Variants in CA12 observed in about 807,000 individuals in gnomAD.
CA12 encodes carbonate dehydratase XII.
Under a neutral mutation model 46.8 loss-of-function variants are expected in CA12, and 36 were observed. The observed-to-expected ratio is 0.77, with a 90% CI of 0.59 to 1.02. The LOEUF (loss-of-function observed/expected upper bound fraction) is 1.02, where lower values mean the gene tolerates loss of function less well. Among genes scored for constraint, CA12 ranks in the 50% least tolerant of loss-of-function variants. The pLI, the probability that CA12 is intolerant of heterozygous loss-of-function variation, is 0.00. For synonymous variants in CA12, 202 were observed against 187.0 expected (o/e 1.08, Z -0.65); for missense variants, 436 against 451.4 (o/e 0.97, Z 0.31).
At chr15:63,363,649 A>C (rs1196439581) in intron 2 of CA12, among the ~76,000 whole-genome samples, 1 of 152,256 alleles carries the variant, frequency 6.6e-6, no homozygotes, top group African/African-American at 2.4e-5. Flanking sequence ...ATAATTTGAC[A>C]AGTGATAATC....
Position 63,335,626 on chromosome 15 carries a change from G to A in CA12, c.874+3193C>T, listed in dbSNP as rs116349582. On this transcript the variant is annotated intron_variant, in intron 8 of 10. Transcript: ENST00000178638. ...TTACAAGCATGAGCCACCACACCCG[G>A]CCATCCTAGATGATTTTTTAAACAT... Among the ~76,000 whole-genome samples, 690 of 150,788 alleles carry A rather than the reference G, an allele frequency of 4.6e-3. 4 individuals carry two copies. Among genetic ancestry groups the A allele is most frequent in the African/African-American group, 0.016 (666 of 40,994 alleles).
chr15:63,351,427 C>A (rs931559880), intron 2 of CA12, among the ~76,000 whole-genome samples: 5 of 152,184 alleles, frequency 3.3e-5, no homozygotes, highest in African/African-American at 1.2e-4. Context: ...TCCGTACACT[C>A]CCTTTCTCCC....
At chr15:63,366,009 C>G (rs538529263) in intron 2 of CA12, among the ~76,000 whole-genome samples, 1 of 152,124 alleles carries the variant, frequency 6.6e-6, no homozygotes, top group African/African-American at 2.4e-5. Context: ...GGCGTGATGG[C>G]GTGTGCCTGT....
At position 63,378,777 on chromosome 15, in the gene CA12, G is replaced by A. The variant is rs182580277; in HGVS notation, c.85+2859C>T. Reference sequence around the variant, plus strand: ...TACCTCTTAGCAGGCAGAACAGTTGGAGGCCCAGGATGTAAAATTCCACAA... The same window carrying A: ...TACCTCTTAGCAGGCAGAACAGTTGAAGGCCCAGGATGTAAAATTCCACAA... On this transcript the variant is annotated intron_variant, in intron 1 of 10. Coordinates refer to ENST00000178638, the MANE Select transcript of CA12 (RefSeq NM_001218.5). The surrounding 1 kb of genome is among the most constrained non-coding windows in gnomAD (Gnocchi z 4.8). 6.6e-6 allele frequency: 1 copy of A among 152,310 alleles called. No homozygotes were observed. The highest frequency in any genetic ancestry group is 2.4e-5 in the African/African-American group (1 of 41,562). The allele number at this position is 152,310 out of a possible 1,614,324, so 9.4% of individuals were successfully genotyped here.
At chr15:63,352,779 G>A (rs2039250032) in intron 2 of CA12, among the ~76,000 whole-genome samples, 1 of 152,108 alleles carries the variant, frequency 6.6e-6, no homozygotes, top group Admixed American at 6.5e-5. Context: ...ATAGCTTTTG[G>A]TTAGTCCCTC....
At chr15:63,361,191 T>C (rs956098564) in intron 2 of CA12, among the ~76,000 whole-genome samples, 2 of 152,226 alleles carry the variant, frequency 1.3e-5, no homozygotes, top group Non-Finnish European at 2.9e-5. Flanking sequence ...CCAGTGGAAG[T>C]GTAGCCCCCA....
chr15:63,364,332 G>GAAAAAAAAAAAAAAA lies in CA12; in HGVS notation c.106+11311_106+11325dup, dbSNP rs34673043. Among the ~76,000 whole-genome samples, 27 of 56,116 alleles carry GAAAAAAAAAAAAAAA rather than the reference G, an allele frequency of 4.8e-4. 5 individuals are homozygous for GAAAAAAAAAAAAAAA. The highest frequency in any genetic ancestry group is 3.3e-3 in the East Asian group (4 of 1,208). 36.8% of individuals were successfully genotyped at this position (56,116 alleles called of 152,430 possible). A position where few individuals can be genotyped will look rare whatever the true frequency, so the allele number is the denominator to read the frequency against. On this transcript the variant is annotated intron_variant, in intron 2 of 10. Coordinates refer to ENST00000178638, the MANE Select transcript of CA12 (RefSeq NM_001218.5). ...GTGAAACAGTGAAACCCCGTCACTA[G>GAAAAAAAAAAAAAAA]AAAAAAAAAAAAAAAAAAAAAAACA...
At chr15:63,349,043 T>C (rs2039190762) in intron 2 of CA12, among the ~76,000 whole-genome samples, 1 of 152,136 alleles carries the variant, frequency 6.6e-6, no homozygotes, top group Non-Finnish European at 1.5e-5. Flanking sequence ...GAAGCAGCTA[T>C]GTTGGACCAG....
At position 63,331,395 on chromosome 15, in the gene CA12, G is replaced by A. The variant is rs906962969; in HGVS notation, c.875-3265C>T. On this transcript the variant is annotated intron_variant, in intron 8 of 10. Coordinates refer to ENST00000178638, the MANE Select transcript of CA12 (RefSeq NM_001218.5). This position sits in a 1 kb window ranked among gnomAD's most constrained non-coding sequence, Gnocchi z 5.3. ...GCAGAACTAGAGAAATTCACTTTCA[G>A]GTTAAAGAAATGGTTTGTTTCTGAA... 1.3e-5 allele frequency among the ~76,000 whole-genome samples: 2 copies of A among 152,170 alleles called. No individual in the cohort carries two copies. Among genetic ancestry groups the A allele is most frequent in the African/African-American group, 4.8e-5 (2 of 41,434 alleles).
chr15:63,379,702 C>T (rs1595796548), intron 1 of CA12, among the ~76,000 whole-genome samples: 1 of 152,194 alleles, frequency 6.6e-6, no homozygotes, highest in African/African-American at 2.4e-5. Context: ...TACCAAGATC[C>T]ATATCAGAGG....
At chr15:63,376,312 G>A (rs1274998466) in intron 1 of CA12, among the ~76,000 whole-genome samples, 2 of 152,140 alleles carry the variant, frequency 1.3e-5, no homozygotes, top group African/African-American at 4.8e-5. Flanking sequence ...AAACCCAAAA[G>A]CCATCAAATG....
At chr15:63,338,981 T>C (rs2039040988) in intron 7 of CA12, 36 bp from the exon 8 acceptor site, 1 of 1,613,564 alleles carries the variant, frequency 6.2e-7, no homozygotes, top group South Asian at 1.1e-5. Flanking sequence ...GCAGGCAGAA[T>C]GACCTCCTCA....
At position 63,326,269 on chromosome 15, in the gene CA12, G is replaced by A. The variant is rs373274369; in HGVS notation, c.*16C>T. 1.8e-5 allele frequency: 29 copies of A among 1,609,756 alleles called. No homozygotes were observed. The highest frequency in any genetic ancestry group is 4.0e-5 in the African/African-American group (3 of 74,906). ...AGCAAGGTCCTTCCTGGATGTGCCC[G>A]GGAGCTCCGGGGACCTCAAGCGTGG... On this transcript the variant is annotated 3_prime_UTR_variant, in exon 11 of 11. Coordinates refer to ENST00000178638, the MANE Select transcript of CA12 (RefSeq NM_001218.5).
rs755459847 is a variant in CA12 at position 63,340,714 on chromosome 15, C to T, written c.589+6G>A. ...GAGAGTGAATATGCATGCAAGGACC[C>T]CTCACCTTTGTACTTTACATGTTGA... On this transcript the variant is annotated splice_donor_region_variant and intron_variant, in intron 6 of 10. Coordinates refer to ENST00000178638, the MANE Select transcript of CA12 (RefSeq NM_001218.5). The surrounding 1 kb of genome is among the most constrained non-coding windows in gnomAD (Gnocchi z 4.4). 3.7e-6 allele frequency: 6 copies of T among 1,613,392 alleles called. No homozygotes were observed. Among genetic ancestry groups the T allele is most frequent in the East Asian group, 4.5e-5 (2 of 44,880 alleles).
intron 2 of CA12, among the ~76,000 whole-genome samples, chr15:63,361,489 G>A (rs2039363220): frequency 6.6e-6 from 1 of 152,152 alleles, no homozygotes; most frequent in Non-Finnish European, 1.5e-5. Flanking sequence ...AGCATCTAGT[G>A]GGCAGAGGCC....
In CA12 at chr15:63,345,656, C is replaced by G. The variant is rs768326862; in HGVS notation, c.287-37G>C. ...GGAGGAGCAGCCTTCAGAGCCCCGG[C>G]CAGCTGTGCACTGCCAGAGAGCAGT... is the stretch of plus-strand genomic sequence containing the variant. On this transcript the variant is annotated intron_variant, in intron 3 of 10. Transcript: ENST00000178638. The surrounding 1 kb of genome is among the most constrained non-coding windows in gnomAD (Gnocchi z 4.3). The G allele has an allele frequency of 6.3e-7, 1 of 1,599,772 alleles. No homozygotes were observed. The highest frequency in any genetic ancestry group is 1.1e-5 in the South Asian group (1 of 89,732).
chr15:63,360,779 C>T (rs1028661420), intron 2 of CA12, among the ~76,000 whole-genome samples: 2 of 152,222 alleles, frequency 1.3e-5, no homozygotes, highest in African/African-American at 4.8e-5. Flanking sequence ...TATTTGTCCC[C>T]TCTGTGTTCC....
intron 2 of CA12, among the ~76,000 whole-genome samples, chr15:63,360,109 C>T (rs554201894): frequency 6.6e-6 from 1 of 152,282 alleles, no homozygotes; most frequent in Non-Finnish European, 1.5e-5. Context: ...TGGATATCGG[C>T]AGAAGACATG....
chr15:63,363,219 TC>T (rs1443808511), intron 2 of CA12, among the ~76,000 whole-genome samples: 1 of 152,230 alleles, frequency 6.6e-6, no homozygotes, highest in Non-Finnish European at 1.5e-5. Flanking sequence ...ATCTAAGGTT[TC>T]CTACATGTCT....
Sources: allele counts gnomAD v4.1 joint callset (sites outside exome capture counted in the v4.1 genomes callset), GRCh38; gene constraint gnomAD v4.1.1; non-coding constraint Gnocchi (gnomAD v3.1); transcripts MANE v1.5; gene names NCBI Gene and HGNC (gene_info 2026-07-23, HGNC 2026-07-21).